Variants in PSG7 observed in about 807,000 individuals in gnomAD.
The protein encoded by PSG7 is pregnancy specific beta-1-glycoprotein 7.
A neutral mutation model predicts 45.6 loss-of-function variants in PSG7; 57 were observed. That is an observed-to-expected ratio of 1.25 (90% CI 1.01 to 1.56). PSG7 has a LOEUF of 1.56. Ranked by LOEUF, PSG7 falls within the 40% of genes most tolerant of loss-of-function variation. The pLI is 0.00. For missense variants in PSG7, 796 were observed against 508.4 expected, an observed-to-expected ratio of 1.57 and a Z score of -5.44; for synonymous variants, 298 against 194.4, an observed-to-expected ratio of 1.53 and a Z score of -4.43.
chr19:42,936,986 T>C, intron 1 of PSG7, 27 bp downstream of exon 1: 3 of 1,608,772 alleles, frequency 1.9e-6, no homozygotes, highest in Non-Finnish European at 2.6e-6. Flanking sequence ...CCTTTTCCTG[T>C]CCTCTCCCAG....
chr19:42,931,928 T>C (rs1973029198), intron 2 of PSG7, among the ~76,000 whole-genome samples: 1 of 151,686 alleles, frequency 6.6e-6, no homozygotes, highest in African/African-American at 2.4e-5. Context: ...TGTTTCAGTT[T>C]TGGAAGTTTC....
At chr19:42,934,607 G>A (rs1266536872) in intron 2 of PSG7, among the ~76,000 whole-genome samples, 2 of 151,758 alleles carry the variant, frequency 1.3e-5, no homozygotes, top group Non-Finnish European at 1.5e-5. Context: ...CTGTGGAAAT[G>A]TTCACCAAAC....
Position 42,926,850 on chromosome 19 carries a change from T to A in PSG7, c.710-134A>T, listed in dbSNP as rs569682956. On this transcript the variant is annotated intron_variant, in intron 3 of 5. Transcript: ENST00000406070. ...TGAAAGCCAATAGCTGGTGTGTGTG[T>A]CACAAGGTAGATGCATGATGATCTA... The A allele has an allele frequency of 8.2e-6, 12 of 1,455,050 alleles. 1 individual carries two copies. The highest frequency in any genetic ancestry group is 3.9e-5 in the Admixed American group (2 of 51,424). The allele number at this position is 1,455,050 out of a possible 1,614,324, so 90.1% of individuals were successfully genotyped here. A position where few individuals can be genotyped will look rare whatever the true frequency, so the allele number is the denominator to read the frequency against.
At chr19:42,925,505 A>T (rs536155104) in intron 5 of PSG7, 1 of 942,836 alleles carries the variant, frequency 1.1e-6, no homozygotes, top group African/African-American at 1.7e-5. Flanking sequence ...AAAATCATAA[A>T]AACATTATCC....
At chr19:42,926,095 A>G in intron 4 of PSG7, 68 bp from the exon 5 acceptor site, 1 of 1,580,140 alleles carries the variant, frequency 6.3e-7, no homozygotes, top group East Asian at 2.2e-5. Context: ...GGTCTCTTAA[A>G]GGGACAGAGT....
chr19:42,924,502 C>G lies in PSG7; in HGVS notation c.*306G>C. 1.8e-6 allele frequency: 1 copy of G among 561,606 alleles called. No homozygotes were observed. Among genetic ancestry groups the G allele is most frequent in the Non-Finnish European group, 3.1e-6 (1 of 319,044 alleles). 34.8% of individuals were successfully genotyped at this position (561,606 alleles called of 1,614,324 possible). On this transcript the variant is annotated 3_prime_UTR_variant, in exon 6 of 6. Transcript: ENST00000406070. ...TCCTGCCAAGTGAAAGAGGCAGGCACAAGCAAGGACAGCTAAGAGGGGTGA... is the reference window on the plus strand; with the variant it reads ...TCCTGCCAAGTGAAAGAGGCAGGCAGAAGCAAGGACAGCTAAGAGGGGTGA...
At chr19:42,927,499 G>A (rs1389292521) in intron 3 of PSG7, 1 of 151,772 alleles carries the variant, frequency 6.6e-6, no homozygotes, top group Non-Finnish European at 1.5e-5. Flanking sequence ...TGAGGACCAT[G>A]TGGATCTTTC....
At position 42,925,969 on chromosome 19, in the gene PSG7, G is replaced by C. The variant is rs372334153; in HGVS notation, c.1047C>G (p.Asn349Lys). The C allele has an allele frequency of 3.6e-5, 58 of 1,611,998 alleles. 3 individuals are homozygous for C. Among genetic ancestry groups the C allele is most frequent in the Non-Finnish European group, 4.9e-5 (58 of 1,179,080 alleles). Residue 349 changes from asparagine to lysine, a missense_variant, in exon 5 of 6, where the codon AAC becomes AAG. By Grantham distance (94) the Asn-to-Lys change is moderately conservative. Transcript: ENST00000406070. ...PSFTYYHSGQ[N>K]LYLSCFADSN... is the part of the protein sequence containing the mutation. ...AGTCCGCAAAGCAGGACAAGTAGAG[G>C]TTTTGTCCTGAATGGTAATAGGTGA...
intron 1 of PSG7, 50 bp downstream of exon 1, chr19:42,936,963 A>C (rs1351027296): frequency 1.2e-6 from 2 of 1,602,920 alleles, no homozygotes; most frequent in Non-Finnish European, 1.7e-6. Context: ...GACCCCATCC[A>C]GTCACTCTGC....
chr19:42,933,301 A>ATTTTTTTTTTTT (rs1439847468), intron 2 of PSG7, among the ~76,000 whole-genome samples: 2 of 14,646 alleles, frequency 1.4e-4, no homozygotes, highest in African/African-American at 1.8e-4. Context: ...ATATATATAT[A>ATTTTTTTTTTTT]TATATATTTT....
intron 2 of PSG7, among the ~76,000 whole-genome samples, chr19:42,934,067 TG>T (rs1485615722): frequency 6.6e-6 from 1 of 151,486 alleles, no homozygotes; most frequent in Non-Finnish European, 1.5e-5. Flanking sequence ...TGTCTCTGGC[TG>T]GGCCTGTGCT....
chr19:42,924,540 G>A lies in PSG7; in HGVS notation c.*268C>T. 2 of 595,770 alleles carry A rather than the reference G, an allele frequency of 3.4e-6. No homozygotes were observed. Among genetic ancestry groups the A allele is most frequent in the Non-Finnish European group, 5.9e-6 (2 of 336,376 alleles). 36.9% of individuals were successfully genotyped at this position (595,770 alleles called of 1,614,324 possible). On this transcript the variant is annotated 3_prime_UTR_variant, in exon 6 of 6. Coordinates refer to ENST00000406070, the MANE Select transcript of PSG7 (RefSeq NM_002783.3). Reference sequence around the variant, plus strand: ...CTAAGAGGGGTGAGAGCCTCATCATGATGGGGAGTCTTATTCTGACATCTT... The same window carrying A: ...CTAAGAGGGGTGAGAGCCTCATCATAATGGGGAGTCTTATTCTGACATCTT...
intron 2 of PSG7, among the ~76,000 whole-genome samples, chr19:42,933,381 G>A (rs1443604133): frequency 7.3e-6 from 1 of 137,034 alleles, no homozygotes; most frequent in Non-Finnish European, 1.6e-5. Context: ...AAGAGTGGAT[G>A]GAGGAACTGC....
At chr19:42,935,899 C>CAA in intron 1 of PSG7, 130 bp from the exon 2 acceptor site, 1 of 1,256,640 alleles carries the variant, frequency 8.0e-7, no homozygotes, top group Non-Finnish European at 1.1e-6. Flanking sequence ...CACACACACA[C>CAA]ACACACACAC....
At position 42,937,153 on chromosome 19, in the gene PSG7, T is replaced by G; in HGVS notation, c.-77A>C. On this transcript the variant is annotated 5_prime_UTR_variant, in exon 1 of 6. Coordinates refer to ENST00000406070, the MANE Select transcript of PSG7 (RefSeq NM_002783.3). ...AATCTTCCTGAGCACGGCTGTCAGC[T>G]GTGCTGTCCTTCCTCCTTCTGCACT... The G allele has an allele frequency of 1.3e-6, 2 of 1,551,406 alleles. No homozygotes were observed. Among genetic ancestry groups the G allele is most frequent in the Non-Finnish European group, 1.8e-6 (2 of 1,133,478 alleles).
At chr19:42,928,595 G>T (rs1423761949) in intron 3 of PSG7, among the ~76,000 whole-genome samples, 1 of 151,466 alleles carries the variant, frequency 6.6e-6, no homozygotes, top group Non-Finnish European at 1.5e-5. Flanking sequence ...TTCATTGTTA[G>T]TGTATAGTCT....
chr19:42,930,619 G>A (rs900883622), intron 2 of PSG7, among the ~76,000 whole-genome samples: 2 of 151,702 alleles, frequency 1.3e-5, no homozygotes, highest in African/African-American at 4.8e-5. Flanking sequence ...GTGGATATTA[G>A]ACCAATATTT....
At chr19:42,929,414 G>T in intron 3 of PSG7, 28 bp downstream of exon 3, 1 of 1,612,086 alleles carries the variant, frequency 6.2e-7, no homozygotes, top group Non-Finnish European at 8.5e-7. Context: ...ATGGCAGCCT[G>T]GCTAACAGAG....
intron 2 of PSG7, among the ~76,000 whole-genome samples, chr19:42,934,198 G>A (rs1170812936): frequency 6.6e-6 from 1 of 151,344 alleles, no homozygotes; most frequent in Non-Finnish European, 1.5e-5. Context: ...TAAGATCTGA[G>A]GGGGAGACCT....
Sources: gnomAD v4.1 joint callset for allele counts (sites outside exome capture counted in the v4.1 genomes callset) on GRCh38, gnomAD v4.1.1 for gene constraint, MANE v1.5 for transcripts, NCBI Gene and HGNC (gene_info 2026-07-23, HGNC 2026-07-21) for gene names.